Variants in MGAM observed in about 807,000 individuals in gnomAD.
MGAM encodes the protein alpha-1,4-glucosidase.
In MGAM, 253 loss-of-function variants were observed where a neutral mutation model predicts 358.8. The observed-to-expected ratio is 0.71, with a 90% CI of 0.64 to 0.78. MGAM has a LOEUF of 0.78. Among genes scored for constraint, MGAM ranks in the 30% least tolerant of loss-of-function variants. MGAM has a pLI of 0.00. For synonymous variants in MGAM, 1,105 were observed against 1,227.1 expected (o/e 0.90, Z 2.08); for missense variants, 3,080 against 3,432.6 (o/e 0.90, Z 2.57).
intron 22 of MGAM, among the ~76,000 whole-genome samples, chr7:142,048,359 A>T (rs1358650877): frequency 1.3e-5 from 2 of 151,710 alleles, no homozygotes; most frequent in African/African-American, 4.8e-5. Context: ...CGTGTTAGCC[A>T]GGATGATCTC....
At chr7:142,041,969 ATTATATATATATAATATAAT>A (rs1563145117) in intron 21 of MGAM, among the ~76,000 whole-genome samples, 1 of 21,228 alleles carries the variant, frequency 4.7e-5, no homozygotes, top group African/African-American at 1.8e-4. Context: ...ATATATATAT[ATTATATATATATAATATAAT>A]ATATATATAT....
chr7:142,050,589 A>G, intron 23 of MGAM, 108 bp from the exon 24 acceptor site: 2 of 1,165,668 alleles, frequency 1.7e-6, no homozygotes, highest in Admixed American at 4.4e-5. Context: ...GCAGAGAGGC[A>G]TTTATGGCAG....
chr7:142,091,681 T>C lies in MGAM; in HGVS notation c.6811-232T>C, dbSNP rs1338948025. On this transcript the variant is annotated intron_variant, in intron 57 of 70. Coordinates refer to ENST00000475668, the MANE Select transcript of MGAM (RefSeq NM_001365693.1). The stretch of plus-strand genomic sequence containing the variant: ...TTGATTGTCATCATCCATGTATATA[T>C]GAAGAGAACAGTTTTTGGATGTTTT... Among the ~76,000 whole-genome samples the C allele has an allele frequency of 1.4e-5, 2 of 146,356 alleles. 1 individual carries two copies. Among genetic ancestry groups the C allele is most frequent in the Non-Finnish European group, 3.1e-5 (2 of 64,666 alleles).
At chr7:142,052,572 T>A in intron 25 of MGAM, 126 bp downstream of exon 25, 1 of 1,390,818 alleles carries the variant, frequency 7.2e-7, no homozygotes, top group South Asian at 1.4e-5. Context: ...AGGGACAGGA[T>A]CTAGATGTGA....
intron 70 of MGAM, among the ~76,000 whole-genome samples, chr7:142,104,740 A>G (rs62479376): frequency 0.27 from 40,800 of 152,070 alleles, 6,462 homozygotes; most frequent in Admixed American, 0.39. Flanking sequence ...ATGGTTGTCG[A>G]TTACAAGACA....
Position 142,034,756 on chromosome 7 carries a change from G to T in MGAM, c.1874G>T (p.Trp625Leu), listed in dbSNP as rs1554465201. The T allele has an allele frequency of 6.2e-7, 1 of 1,613,566 alleles. No homozygotes were observed. The highest frequency in any genetic ancestry group is 1.7e-5 in the Admixed American group (1 of 59,958). The change falls in exon 16 of 71, where the codon TGG becomes TTG. Residue 625 changes from tryptophan (W) to leucine (L), a missense_variant. Physicochemically the swap from Trp to Leu is moderately conservative, Grantham distance 61 (BLOSUM62 -2). Around this residue, in one of 5 missense-constraint regions of MGAM, gnomAD observed 1,816 missense variants for 1,840.5 expected, o/e 0.99. Coordinates refer to ENST00000475668, the MANE Select transcript of MGAM (RefSeq NM_001365693.1). ...GGCTCTGGCAAGTTTGCAGCACATT[G>T]GTTAGGAGACAACACTGCCACCTGG... ...FAGSGKFAAH[W>L]LGDNTATWDD...
chr7:142,000,378 C>T (rs1804636168), intron 1 of MGAM, among the ~76,000 whole-genome samples: 1 of 152,066 alleles, frequency 6.6e-6, no homozygotes, highest in Non-Finnish European at 1.5e-5. Context: ...GTTATGATGG[C>T]ATGGTAACTG....
In MGAM at chr7:142,104,826, T is replaced by G. The variant is rs890409892; in HGVS notation, c.8185-988T>G. On this transcript the variant is annotated intron_variant, in intron 70 of 70. Coordinates refer to ENST00000475668, the MANE Select transcript of MGAM (RefSeq NM_001365693.1). ...TAATGCTGTGTAGTGGTCCTGACAC[T>G]TATCATCCCGATGGTAAATGAAACT... Among the ~76,000 whole-genome samples, 100 of 152,306 alleles carry G rather than the reference T, an allele frequency of 6.6e-4. 1 individual carries two copies. Among genetic ancestry groups the G allele is most frequent in the Non-Finnish European group, 2.5e-4 (17 of 68,020 alleles).
At chr7:142,034,483 A>ACAAAACAAAG (rs1807802408) in intron 15 of MGAM, 104 bp downstream of exon 15, 1 of 1,060,846 alleles carries the variant, frequency 9.4e-7, no homozygotes, top group Non-Finnish European at 1.4e-6. Context: ...ATTTCTTAAG[A>ACAAAACAAAG]CAAAACAAAG....
Position 142,005,610 on chromosome 7 carries a change from G to C in MGAM, c.80G>C (p.Ser27Thr). 4 of 1,595,340 alleles carry C rather than the reference G, an allele frequency of 2.5e-6. No individual in the cohort carries two copies. Among genetic ancestry groups the C allele is most frequent in the Non-Finnish European group, 3.4e-6 (4 of 1,170,448 alleles). Residue 27 changes from serine (S) to threonine (T), a missense_variant, in exon 2 of 71, where the codon AGT becomes ACT. Transcript: ENST00000475668. ...CTTCTGCTTGTGTTGTTTATCATCA[G>C]TATTGTTCTAATTGTGCTTTTAGCC... ...SVLLLVLFII[S>T]IVLIVLLAKE...
chr7:141,986,682 A>G (rs555486646), intron 2 of MGAM, among the ~76,000 whole-genome samples: 6 of 152,298 alleles, frequency 3.9e-5, no homozygotes, highest in South Asian at 2.1e-4. Flanking sequence ...ATGTTGAAAA[A>G]CAATTGTGTA....
intron 64 of MGAM, 61 bp downstream of exon 64, chr7:142,095,774 C>T: frequency 1.3e-6 from 2 of 1,588,886 alleles, no homozygotes; most frequent in Non-Finnish European, 1.7e-6. Flanking sequence ...TATATGGTGA[C>T]AGTTGAATTC....
intron 14 of MGAM, among the ~76,000 whole-genome samples, chr7:142,033,641 G>A (rs1807709523): frequency 6.6e-6 from 1 of 152,160 alleles, no homozygotes; most frequent in Non-Finnish European, 1.5e-5. Flanking sequence ...CTCTTTTGGT[G>A]TTAGAAGCTA....
chr7:142,043,788 C>A (rs1245237607), intron 21 of MGAM, among the ~76,000 whole-genome samples: 2 of 79,256 alleles, frequency 2.5e-5, no homozygotes, highest in African/African-American at 7.3e-5. Flanking sequence ...ACACATACGA[C>A]ATATAATATA....
chr7:142,008,067 G>A (rs1805304496), intron 2 of MGAM, among the ~76,000 whole-genome samples: 1 of 152,190 alleles, frequency 6.6e-6, no homozygotes, highest in Admixed American at 6.6e-5. Flanking sequence ...TGCCCTAGTA[G>A]CACAAAGCAG....
In MGAM at chr7:142,082,051, T is replaced by G; in HGVS notation, c.6012T>G (p.Ser2004=). 6.4e-7 allele frequency: 1 copy of G among 1,555,552 alleles called. No individual in the cohort carries two copies. The highest frequency in any genetic ancestry group is 8.8e-7 in the Non-Finnish European group (1 of 1,132,382). Residue 2004 remains serine (S), a synonymous_variant, in exon 51 of 71, where the codon TCT becomes TCG. Transcript: ENST00000475668. The stretch of plus-strand genomic sequence containing the variant: ...CCTTTTTGTGTTTCAGTTGGGACTC[T>G]CAGCTCCTTGGCTTCACCTTCAATG... ...RKSTGTIIWD[S]QLLGFTFNDM...
intron 31 of MGAM, 48 bp from the exon 32 acceptor site, chr7:142,059,424 T>C (rs770332446): frequency 1.9e-6 from 3 of 1,589,720 alleles, no homozygotes; most frequent in African/African-American, 1.3e-5. Context: ...CCTATAAAGC[T>C]TGGGCGTGTA....
chr7:142,060,214 T>A (rs1811999087), intron 33 of MGAM, 97 bp from the exon 34 acceptor site: 2 of 1,509,034 alleles, frequency 1.3e-6, no homozygotes, highest in African/African-American at 2.7e-5. Flanking sequence ...AAAGTATTAT[T>A]GCTCCTAGGA....
At chr7:142,036,750 A>G in intron 17 of MGAM, 73 bp from the exon 18 acceptor site, 1 of 1,466,142 alleles carries the variant, frequency 6.8e-7, no homozygotes, top group Non-Finnish European at 9.3e-7. Flanking sequence ...GTAATGAATG[A>G]GGTCTGGAAT....
Sources: gnomAD v4.1 joint callset for allele counts (sites outside exome capture counted in the v4.1 genomes callset) on GRCh38, gnomAD v4.1.1 for gene constraint, gnomAD v4.1.1 regional missense constraint, MANE v1.5 for transcripts, NCBI Gene and HGNC (gene_info 2026-07-23, HGNC 2026-07-21) for gene names.